The following CP variants were observed in gnomAD, a reference collection of about 807,000 sequenced individuals.
CP encodes the protein ceruloplasmin.
CP carries 64 observed loss-of-function variants against 122.4 expected under a neutral mutation model. The observed-to-expected ratio is 0.52, with a 90% confidence interval of 0.43 to 0.64. CP has a LOEUF of 0.64. Ranked by LOEUF, CP falls within the 30% of genes least tolerant of loss-of-function variation. The pLI, the probability that CP is intolerant of heterozygous loss-of-function variation, is 0.00. For missense variants in CP, 1,167 were observed against 1,284.4 expected (o/e 0.91, Z 1.40); for synonymous variants, 440 against 436.4 (o/e 1.01, Z -0.10).
chr3:149,181,975 C>CGGGGGGGGGGGGGGCGGG, intron 14 of CP, 30 bp downstream of exon 14: 1 of 1,088,426 alleles, frequency 9.2e-7, no homozygotes, highest in Non-Finnish European at 1.4e-6. Flanking sequence ...TGTTAAAATG[C>CGGGGGGGGGGGGGGCGGG]ACCACCCCCA....
intron 5 of CP, 145 bp from the exon 6 acceptor site, chr3:149,206,484 G>T: frequency 1.1e-6 from 1 of 930,052 alleles, no homozygotes; most frequent in Non-Finnish European, 1.7e-6. Context: ...GCAGACAGCT[G>T]TAAATAAATT....
In CP at chr3:149,221,758, A is replaced by G; in HGVS notation, c.35T>C (p.Leu12Ser). Residue 12 changes from leucine to serine, a missense_variant, in exon 1 of 19, where the codon TTA becomes TCA. Physicochemically the swap from Leu to Ser is moderately radical, Grantham distance 145. Transcript: ENST00000264613. ...KILILGIFLF[L>S]CSTPAWAKEK... ...TTTCGCCCAGGCTGGGGTACTACAT[A>G]AAAACAGAAAAATACCAAGTATCAA... is the stretch of plus-strand genomic sequence containing the variant. The G allele has an allele frequency of 6.2e-7, 1 of 1,613,790 alleles. No individual in the cohort carries two copies. Among genetic ancestry groups the G allele is most frequent in the Non-Finnish European group, 8.5e-7 (1 of 1,179,776 alleles).
chr3:149,205,083 T>C (rs1727609276), intron 6 of CP, among the ~76,000 whole-genome samples: 1 of 151,564 alleles, frequency 6.6e-6, no homozygotes, highest in East Asian at 1.9e-4. Flanking sequence ...GATACACAAA[T>C]GACCAAAAAG....
intron 1 of CP, among the ~76,000 whole-genome samples, chr3:149,221,246 T>G (rs1309837134): frequency 6.6e-6 from 1 of 152,232 alleles, no homozygotes; most frequent in Non-Finnish European, 1.5e-5. Context: ...TTTATTTCTA[T>G]AAGTGATGTT....
intron 6 of CP, among the ~76,000 whole-genome samples, chr3:149,204,454 G>C (rs1000379729): frequency 6.6e-6 from 1 of 152,144 alleles, no homozygotes; most frequent in African/African-American, 2.4e-5. Context: ...AGTTTGAATA[G>C]CCTCATCCAT....
At chr3:149,209,760 T>G (rs1042165778) in intron 3 of CP, among the ~76,000 whole-genome samples, 1 of 152,194 alleles carries the variant, frequency 6.6e-6, no homozygotes, top group African/African-American at 2.4e-5. Flanking sequence ...TGAGCTCCGT[T>G]GTCTTTTTCA....
At chr3:149,203,873 A>T (rs1299069218) in intron 6 of CP, among the ~76,000 whole-genome samples, 8 of 152,164 alleles carry the variant, frequency 5.3e-5, no homozygotes, top group Non-Finnish European at 1.2e-4. Flanking sequence ...AGCACAGGGT[A>T]TTATGGAGCA....
chr3:149,209,146 A>C, intron 4 of CP, 65 bp downstream of exon 4: 1 of 1,595,304 alleles, frequency 6.3e-7, no homozygotes, highest in Non-Finnish European at 8.6e-7. Context: ...TGAGGGAATA[A>C]GCTTAGCAGA....
At position 149,177,933 on chromosome 3, in the gene CP, G is replaced by A. The variant is rs377478882; in HGVS notation, c.2925C>T (p.His975=). 2.3e-5 allele frequency: 37 copies of A among 1,613,154 alleles called. No individual in the cohort carries two copies. The highest frequency in any genetic ancestry group is 2.1e-4 in the African/African-American group (16 of 74,972). The stretch of plus-strand genomic sequence containing the variant: ...GATACCAGTTGACTTCATCTCCCAC[G>A]TGCATTGTGAGGCCTTGTAGGTTTC... ...MFGNLQGLTM[H]VGDEVNWYLM... The change falls in exon 17 of 19, where the codon CAC becomes CAT. Residue 975 remains histidine, a synonymous_variant. Transcript: ENST00000264613.
intron 2 of CP, among the ~76,000 whole-genome samples, chr3:149,210,935 A>C (rs1728061463): frequency 6.6e-6 from 1 of 152,212 alleles, no homozygotes; most frequent in South Asian, 2.1e-4. Context: ...CACGTCTCAG[A>C]CATCATATTC....
At chr3:149,209,132 T>C in intron 4 of CP, 79 bp downstream of exon 4, 1 of 1,558,072 alleles carries the variant, frequency 6.4e-7, no homozygotes, top group East Asian at 2.2e-5. Context: ...AGTACTTATT[T>C]ATGTGAGGGA....
At chr3:149,213,217 C>A (rs1156543081) in intron 1 of CP, among the ~76,000 whole-genome samples, 1 of 151,920 alleles carries the variant, frequency 6.6e-6, no homozygotes, top group Non-Finnish European at 1.5e-5. Context: ...TTTTATATTT[C>A]TTTTAACAGC....
chr3:149,206,630 G>A (rs1248279725), intron 5 of CP, among the ~76,000 whole-genome samples: 1 of 152,132 alleles, frequency 6.6e-6, no homozygotes, highest in Non-Finnish European at 1.5e-5. Flanking sequence ...CTTTCAATGA[G>A]AGAAAAAGAA....
intron 9 of CP, among the ~76,000 whole-genome samples, chr3:149,196,859 C>T (rs1164978259): frequency 6.6e-6 from 1 of 152,226 alleles, no homozygotes; most frequent in Non-Finnish European, 1.5e-5. Context: ...GTGACTTGCA[C>T]GTATACGCCC....
rs34645589 is a variant in CP, at chr3:149,210,506, T to A, written c.395-127A>T. On this transcript the variant is annotated intron_variant, in intron 2 of 18. Transcript: ENST00000264613. ...CTACTATGTGATCCTTGGGGATGTG[T>A]TATCCTATTTGGACACAGGAAAATG... 73,443 of 842,716 alleles carry A rather than the reference T, an allele frequency of 0.087. 3,537 individuals are homozygous for A. The highest frequency in any genetic ancestry group is 0.098 in the Middle Eastern group (397 of 4,052). The allele number at this position is 842,716 out of a possible 1,614,324, so 52.2% of individuals were successfully genotyped here.
chr3:149,195,325 A>G (rs1726829599), intron 9 of CP, among the ~76,000 whole-genome samples: 1 of 152,228 alleles, frequency 6.6e-6, no homozygotes, highest in Admixed American at 6.5e-5. Flanking sequence ...AATTTCTAGG[A>G]ATTTATCACA....
Position 149,212,645 on chromosome 3 carries a change from T to C in CP, c.200A>G (p.Tyr67Cys), listed in dbSNP as rs141532762. ...GTACTGAAGATAAAGGGCCTTCTTA[T>C]ATAGTCTCCCAATTCTATCTGGGCC... ...QNGPDRIGRL[Y>C]KKALYLQYTD... is the part of the protein sequence containing the mutation. The change falls in exon 2 of 19, where the codon TAT becomes TGT. Residue 67 changes from tyrosine to cysteine, a missense_variant. Coordinates refer to ENST00000264613, the MANE Select transcript of CP (RefSeq NM_000096.4). 1.2e-6 allele frequency: 2 copies of C among 1,613,774 alleles called. No homozygotes were observed. Among genetic ancestry groups the C allele is most frequent in the African/African-American group, 2.7e-5 (2 of 74,904 alleles).
chr3:149,195,228 G>A (rs1226807499), intron 9 of CP, among the ~76,000 whole-genome samples: 2 of 152,130 alleles, frequency 1.3e-5, no homozygotes, highest in Non-Finnish European at 2.9e-5. Flanking sequence ...TATACCTTCT[G>A]GAAATACAAA....
At chr3:149,207,741 C>G in intron 4 of CP, 124 bp from the exon 5 acceptor site, 1 of 921,798 alleles carries the variant, frequency 1.1e-6, no homozygotes, top group Non-Finnish European at 1.7e-6. Flanking sequence ...GGTATTCTTG[C>G]CCCCTATACT....
Sources: gnomAD v4.1 joint callset for allele counts (sites outside exome capture counted in the v4.1 genomes callset) on GRCh38, gnomAD v4.1.1 for gene constraint, MANE v1.5 for transcripts, NCBI Gene and HGNC (gene_info 2026-07-23, HGNC 2026-07-21) for gene names.